Variants in MTMR12 observed in about 807,000 individuals in gnomAD.
The protein encoded by MTMR12 is myotubularin-related protein 12.
In MTMR12, 33 loss-of-function variants were observed where a neutral mutation model predicts 96.7. The observed-to-expected ratio is 0.34, with a 90% confidence interval of 0.26 to 0.46. The LOEUF is 0.46. Among genes scored for constraint, MTMR12 ranks in the 20% least tolerant of loss-of-function variants. The pLI, the probability that MTMR12 is intolerant of heterozygous loss-of-function variation, is 1.00. For missense variants in MTMR12, 721 were observed against 896.1 expected (o/e 0.80, Z 2.49); for synonymous variants, 298 against 327.2 (o/e 0.91, Z 0.96).
At chr5:32,250,913 G>A (rs1244019388) in intron 8 of MTMR12, among the ~76,000 whole-genome samples, 1 of 152,152 alleles carries the variant, frequency 6.6e-6, no homozygotes, top group African/African-American at 2.4e-5. Context: ...GTCTTCTGTT[G>A]CTGCAATTTC....
At chr5:32,281,865 A>G (rs919401112) in intron 1 of MTMR12, among the ~76,000 whole-genome samples, 1 of 148,788 alleles carries the variant, frequency 6.7e-6, no homozygotes, top group African/African-American at 2.5e-5. Flanking sequence ...ATACCATTGC[A>G]CTCCAGCCTG....
At chr5:32,300,278 T>G (rs1751088684) in intron 1 of MTMR12, among the ~76,000 whole-genome samples, 1 of 152,084 alleles carries the variant, frequency 6.6e-6, no homozygotes, top group Admixed American at 6.6e-5. Context: ...GTTTATATGG[T>G]TTATTTCTTC....
chr5:32,274,203 T>C, intron 2 of MTMR12, 81 bp from the exon 3 acceptor site: 1 of 1,489,624 alleles, frequency 6.7e-7, no homozygotes, highest in Non-Finnish European at 9.1e-7. Flanking sequence ...TCCAGCCCTA[T>C]TTACATAAGG....
chr5:32,239,749 A>G (rs62361329), intron 12 of MTMR12, among the ~76,000 whole-genome samples: 4,841 of 152,234 alleles, frequency 0.032, 116 homozygotes, highest in Non-Finnish European at 0.051. Context: ...AATTATTTCT[A>G]TTTTCAGCTC....
intron 1 of MTMR12, among the ~76,000 whole-genome samples, chr5:32,285,110 C>T (rs1481706665): frequency 6.6e-6 from 1 of 152,122 alleles, no homozygotes; most frequent in Non-Finnish European, 1.5e-5. Context: ...GTAATCCCAG[C>T]ACTTTGGGAG....
At position 32,255,660 on chromosome 5, in the gene MTMR12, C is replaced by T. The variant is rs571198383; in HGVS notation, c.789+33G>A. 6 of 1,570,494 alleles carry T rather than the reference C, an allele frequency of 3.8e-6. No individual in the cohort carries two copies. The East Asian group carries it at 1.1e-4, about 30-fold the overall frequency. ...TTTGCCAGGATAGACCAATGCACAACCCACACCTTTCAGGGTTCCCAGATG... is the reference window on the plus strand; with the variant it reads ...TTTGCCAGGATAGACCAATGCACAATCCACACCTTTCAGGGTTCCCAGATG... On this transcript the variant is annotated intron_variant, in intron 8 of 15. Transcript: ENST00000382142.
intron 15 of MTMR12, 54 bp from the exon 16 acceptor site, chr5:32,230,401 A>G (rs1036135315): frequency 8.9e-6 from 13 of 1,468,004 alleles, no homozygotes; most frequent in Non-Finnish European, 1.2e-5. Flanking sequence ...GGCACAGTTA[A>G]CAGCTGTTAC....
At chr5:32,275,664 A>C (rs1477372675) in intron 2 of MTMR12, among the ~76,000 whole-genome samples, 1 of 152,164 alleles carries the variant, frequency 6.6e-6, no homozygotes, top group Non-Finnish European at 1.5e-5. Context: ...TTAACTGTGA[A>C]CTCACCGCTG....
chr5:32,291,168 A>C (rs1020983488), intron 1 of MTMR12, among the ~76,000 whole-genome samples: 1 of 152,154 alleles, frequency 6.6e-6, no homozygotes, highest in African/African-American at 2.4e-5. Flanking sequence ...TGATCAGATG[A>C]CAGGAAGAGA....
intron 1 of MTMR12, among the ~76,000 whole-genome samples, chr5:32,279,265 A>T (rs1387280742): frequency 2.6e-5 from 4 of 151,880 alleles, no homozygotes; most frequent in Admixed American, 1.3e-4. Context: ...CAAAAAAATT[A>T]AAAAATCATC....
chr5:32,275,496 A>C (rs1032209365), intron 2 of MTMR12, among the ~76,000 whole-genome samples: 6 of 152,240 alleles, frequency 3.9e-5, no homozygotes, highest in African/African-American at 1.4e-4. Context: ...AGAAATTAGC[A>C]TGCACTAGCT....
chr5:32,276,157 C>T (rs542946609), intron 2 of MTMR12, among the ~76,000 whole-genome samples: 108 of 152,312 alleles, frequency 7.1e-4, no homozygotes, highest in African/African-American at 2.5e-3. Flanking sequence ...CTGTCCTCTA[C>T]CTCAAAAATA....
At position 32,239,190 on chromosome 5, in the gene MTMR12, C is replaced by A; in HGVS notation, c.1172-17G>T. The A allele has an allele frequency of 6.4e-7, 1 of 1,556,594 alleles. No individual in the cohort carries two copies. Among genetic ancestry groups the A allele is most frequent in the South Asian group, 1.2e-5 (1 of 81,242 alleles). On this transcript the variant is annotated splice_polypyrimidine_tract_variant and intron_variant, in intron 12 of 15. Coordinates refer to ENST00000382142, the MANE Select transcript of MTMR12 (RefSeq NM_001040446.3). ...CATTCTCCTCTAGGAGAGGCCCCAG[C>A]AGCAGTGCAAAGAGGAAGGAGGGCA...
At chr5:32,236,850 A>C (rs1748255602) in intron 13 of MTMR12, among the ~76,000 whole-genome samples, 1 of 144,792 alleles carries the variant, frequency 6.9e-6, no homozygotes, top group South Asian at 2.1e-4. Context: ...AAAAAAAAAA[A>C]AGAAAAGAAA....
chr5:32,253,522 T>C (rs140462608), intron 8 of MTMR12, among the ~76,000 whole-genome samples: 1 of 152,216 alleles, frequency 6.6e-6, no homozygotes, highest in East Asian at 1.9e-4. Context: ...TTCCATCTTG[T>C]GTAATACTTT....
intron 7 of MTMR12, among the ~76,000 whole-genome samples, chr5:32,260,753 G>A (rs1051445316): frequency 1.3e-5 from 2 of 151,496 alleles, no homozygotes; most frequent in Non-Finnish European, 2.9e-5. Flanking sequence ...ACCAGTGGCA[G>A]CAACCTGATA....
intron 10 of MTMR12, among the ~76,000 whole-genome samples, 197 bp from the exon 11 acceptor site, chr5:32,243,796 AG>A (rs1290129101): frequency 1.1e-4 from 17 of 152,222 alleles, no homozygotes; most frequent in African/African-American, 4.1e-4. Flanking sequence ...GTAGGCCCCT[AG>A]AAGATTGTGG....
chr5:32,310,704 A>G (rs1397858875), intron 1 of MTMR12, among the ~76,000 whole-genome samples: 1 of 152,200 alleles, frequency 6.6e-6, no homozygotes. Context: ...CACAGTTAGA[A>G]TAAGATCTAG....
rs970363447 is a variant in MTMR12, at chr5:32,312,432, T to G, written c.81+326A>C. Among the ~76,000 whole-genome samples, 3 of 151,960 alleles carry G rather than the reference T, an allele frequency of 2.0e-5. No homozygotes were observed. The highest frequency in any genetic ancestry group is 6.6e-5 in the Admixed American group (1 of 15,266). On this transcript the variant is annotated intron_variant, in intron 1 of 15. Coordinates refer to ENST00000382142, the MANE Select transcript of MTMR12 (RefSeq NM_001040446.3). The surrounding 1 kb of genome is among the most constrained non-coding windows in gnomAD (Gnocchi z 5.0). ...GGGCTCCGACCCACGGCCCTACCCC[T>G]CCCAGCAGTGCCCACAACCCCAGGT...
Sources: allele counts gnomAD v4.1 joint callset (sites outside exome capture counted in the v4.1 genomes callset), GRCh38; gene constraint gnomAD v4.1.1; non-coding constraint Gnocchi (gnomAD v3.1); transcripts MANE v1.5; gene names NCBI Gene and HGNC (gene_info 2026-07-23, HGNC 2026-07-21).